TMEM150B: variants seen among roughly 807,000 people sequenced by gnomAD.
TMEM150B encodes the protein transmembrane protein 150B.
In TMEM150B, 33 loss-of-function variants were observed where a neutral mutation model predicts 25.2. The observed-to-expected ratio is 1.31, with a 90% CI of 0.99 to 1.75. The LOEUF (loss-of-function observed/expected upper bound fraction) is 1.75. Among genes scored for constraint, TMEM150B ranks in the 40% most tolerant of loss-of-function variants. TMEM150B has a pLI of 0.00. For synonymous variants in TMEM150B, 133 were observed against 134.8 expected, an observed-to-expected ratio of 0.99 and a Z score of 0.09; for missense variants, 322 against 306.1, an observed-to-expected ratio of 1.05 and a Z score of -0.39.
chr19:55,309,513 C>T (rs1048072666), downstream of TMEM150B, among the ~76,000 whole-genome samples: 4 of 152,230 alleles, frequency 2.6e-5, no homozygotes, highest in Admixed American at 2.6e-4. Context: ...CTGCCAGCAG[C>T]GTTGGTGCCT....
At position 55,321,004 on chromosome 19, in the gene TMEM150B, G is replaced by A; in HGVS notation, c.33C>T (p.Phe11=). The A allele has an allele frequency of 1.2e-6, 2 of 1,613,966 alleles. No individual in the cohort carries two copies. The highest frequency in any genetic ancestry group is 1.1e-5 in the South Asian group (1 of 91,086). MWGYLSLMPV[F]LAVWAISGVW... is the part of the protein sequence containing the mutation. ...CGCCAGAGATAGCCCAGACAGCTAGGAAGACAGGCATCAGCGACAGGTAGC... is the reference window on the plus strand; with the variant it reads ...CGCCAGAGATAGCCCAGACAGCTAGAAAGACAGGCATCAGCGACAGGTAGC... The change falls in exon 3 of 8, where the codon TTC becomes TTT. Residue 11 remains phenylalanine (F), a synonymous_variant. Transcript: ENST00000326652.
In TMEM150B at chr19:55,312,952, G is replaced by A. The variant is rs752548641; in HGVS notation, c.609C>T (p.Phe203=). The part of the protein sequence containing the change: ...FALFGLLAVD[F]SALESCTLCV... ...ACAGGGTGCAGCTCTCCAGGGCGGA[G>A]AAGTCAACGGCTAAGAGACCGAAGA... Residue 203 remains phenylalanine, a synonymous_variant, in exon 8 of 8, where the codon TTC becomes TTT. Transcript: ENST00000326652. 4 of 1,613,458 alleles carry A rather than the reference G, an allele frequency of 2.5e-6. No individual in the cohort carries two copies. The South Asian group carries it at 4.4e-5, about 18-fold the overall frequency.
downstream of TMEM150B, chr19:55,311,783 A>G: frequency 1.0e-6 from 1 of 957,758 alleles, no homozygotes; most frequent in Non-Finnish European, 1.5e-6. Context: ...GGGCCTTATC[A>G]GGGATTGGAG....
chr19:55,316,894 G>C lies in TMEM150B; in HGVS notation c.397C>G (p.Leu133Val), dbSNP rs199806152. Residue 133 changes from leucine (L) to valine (V), a missense_variant, in exon 7 of 8, where the codon CTG becomes GTG. Transcript: ENST00000326652. ...AFILGNVYFWLQLLLWRLKRL... is the reference protein window; with the variant it reads ...AFILGNVYFWVQLLLWRLKRL... Reference sequence around the variant, plus strand: ...TTCAGCCTCCACAGGAGGAGCTGCAGCCAGAAGTAGACGTTACCCAAGATG... The same window carrying C: ...TTCAGCCTCCACAGGAGGAGCTGCACCCAGAAGTAGACGTTACCCAAGATG... The C allele has an allele frequency of 4.4e-6, 7 of 1,606,620 alleles. No individual in the cohort carries two copies. In the East Asian group the frequency reaches 1.6e-4, roughly 36 times the overall value.
Position 55,320,410 on chromosome 19 carries a change from G to T in TMEM150B, c.177C>A (p.Leu59=). 6.4e-7 allele frequency: 1 copy of T among 1,571,780 alleles called. No homozygotes were observed. The highest frequency in any genetic ancestry group is 8.6e-7 in the Non-Finnish European group (1 of 1,157,448). The change falls in exon 5 of 8, where the codon CTC becomes CTA. Residue 59 remains leucine (L), a synonymous_variant. Coordinates refer to ENST00000326652, the MANE Select transcript of TMEM150B (RefSeq NM_001282011.2). ...PPQSCIFSQV[L]NMGAALAAWI... ...ATTTACCCAGAGCAGCTCCCATATT[G>T]AGCACCTGGCTGAAGATGCAGCTCT... is the stretch of plus-strand genomic sequence containing the variant.
At chr19:55,317,212 G>C (rs142712220) in intron 6 of TMEM150B, among the ~76,000 whole-genome samples, 2 of 152,214 alleles carry the variant, frequency 1.3e-5, no homozygotes, top group Non-Finnish European at 2.9e-5. Flanking sequence ...CAGTAAATAT[G>C]AGTGGGATAA....
downstream of TMEM150B, among the ~76,000 whole-genome samples, chr19:55,309,521 C>T (rs1232602063): frequency 6.6e-6 from 1 of 152,234 alleles, no homozygotes; most frequent in Admixed American, 6.5e-5. Context: ...AGCGTTGGTG[C>T]CTGGTGAGAG....
At chr19:55,320,711 C>T in intron 3 of TMEM150B, 94 bp from the exon 4 acceptor site, 4 of 1,497,698 alleles carry the variant, frequency 2.7e-6, no homozygotes, top group Admixed American at 3.5e-5. Flanking sequence ...CCTCCACCCT[C>T]AGACCAGGAG....
chr19:55,323,802 CTTTT>C (rs367630607), intron 1 of TMEM150B, among the ~76,000 whole-genome samples: 1 of 100,884 alleles, frequency 9.9e-6, no homozygotes, highest in Non-Finnish European at 1.9e-5. Context: ...TGCGCCCAAC[CTTTT>C]TTTTTTTTTT....
intron 1 of TMEM150B, among the ~76,000 whole-genome samples, chr19:55,323,192 G>A (rs1328459774): frequency 6.6e-6 from 1 of 152,184 alleles, no homozygotes; most frequent in Non-Finnish European, 1.5e-5. Context: ...AGCAGTTTGG[G>A]AGACCAAGGT....
intron 3 of TMEM150B, 67 bp downstream of exon 3, chr19:55,320,902 C>G (rs2089188369): frequency 1.3e-6 from 2 of 1,564,906 alleles, no homozygotes; most frequent in Non-Finnish European, 1.7e-6. Flanking sequence ...TCCCTCAGAC[C>G]CAGAAATCCA....
intron 7 of TMEM150B, among the ~76,000 whole-genome samples, chr19:55,315,735 T>G (rs1010526996): frequency 3.4e-5 from 5 of 145,666 alleles, no homozygotes; most frequent in African/African-American, 1.3e-4. Context: ...CACTCCAGCC[T>G]AGGTGACAGA....
In TMEM150B at chr19:55,312,878, G is replaced by A. The variant is rs551880072; in HGVS notation, c.683C>T (p.Ser228Phe). 6.3e-7 allele frequency: 1 copy of A among 1,596,546 alleles called. No individual in the cohort carries two copies. Among genetic ancestry groups the A allele is most frequent in the Admixed American group, 1.7e-5 (1 of 57,406 alleles). The part of the protein sequence containing the change: ...SLSPPPASPI[S>F]LPVQL ...TGCCTGCTACAGCTGGACCGGCAGG[G>A]AGATGGGGGAGGCCGGCGGGGGGCT... Residue 228 changes from serine to phenylalanine, a missense_variant, in exon 8 of 8, where the codon TCC becomes TTC. By Grantham distance (155) the Ser-to-Phe change is radical (BLOSUM62 -2). Coordinates refer to ENST00000326652, the MANE Select transcript of TMEM150B (RefSeq NM_001282011.2).
intron 7 of TMEM150B, among the ~76,000 whole-genome samples, chr19:55,315,752 C>T (rs1208533357): frequency 4.1e-5 from 6 of 147,560 alleles, no homozygotes; most frequent in Non-Finnish European, 7.4e-5. Context: ...CAGAGCGAGA[C>T]TCCGTCTCAA....
chr19:55,325,201 C>T, intron 1 of TMEM150B, 71 bp downstream of exon 1: 1 of 898,668 alleles, frequency 1.1e-6, no homozygotes, highest in Non-Finnish European at 1.3e-6. Flanking sequence ...CTTGGACCCT[C>T]CCTGGGAGGA....
rs1266024446 is a variant in TMEM150B at position 55,325,194 on chromosome 19, G to C, written c.-154+78C>G. ...CCCACGGTGCTTATGTGACCTGCTT[G>C]GACCCTCCCTGGGAGGACAGGGGAC... On this transcript the variant is annotated intron_variant, in intron 1 of 7. Coordinates refer to ENST00000326652, the MANE Select transcript of TMEM150B (RefSeq NM_001282011.2). 4.7e-6 allele frequency: 4 copies of C among 847,610 alleles called. No homozygotes were observed. In the African/African-American group the frequency reaches 7.3e-5, roughly 16 times the overall value. 52.5% of individuals were successfully genotyped at this position (847,610 alleles called of 1,614,324 possible).
chr19:55,318,140 C>T (rs1350858161), intron 6 of TMEM150B, among the ~76,000 whole-genome samples: 1 of 152,048 alleles, frequency 6.6e-6, no homozygotes, highest in Non-Finnish European at 1.5e-5. Flanking sequence ...GTAGGCAGAT[C>T]ACTTGAGGTC....
rs1378933823 is a variant in TMEM150B, at chr19:55,324,672, T to C, written c.-154+600A>G. 8.6e-6 allele frequency: 8 copies of C among 931,172 alleles called. No homozygotes were observed. The South Asian group carries it at 2.5e-4, about 29-fold the overall frequency. 57.7% of individuals were successfully genotyped at this position (931,172 alleles called of 1,614,324 possible). On this transcript the variant is annotated intron_variant, in intron 1 of 7. Coordinates refer to ENST00000326652, the MANE Select transcript of TMEM150B (RefSeq NM_001282011.2). ...CCAAAAATAAATAAAATAAAATAAA[T>C]AAATAAAATAAAAAATAAATCCTGT...
chr19:55,310,702 C>T (rs1376762048), downstream of TMEM150B, among the ~76,000 whole-genome samples: 1 of 152,140 alleles, frequency 6.6e-6, no homozygotes, highest in Non-Finnish European at 1.5e-5. This position sits in a 1 kb window ranked among gnomAD's most constrained non-coding sequence, Gnocchi z 5.0. Context: ...CAGCTGGGTC[C>T]CAAATGGCAG....
Sources: allele counts gnomAD v4.1 joint callset (sites outside exome capture counted in the v4.1 genomes callset), GRCh38; gene constraint gnomAD v4.1.1; non-coding constraint Gnocchi (gnomAD v3.1); transcripts MANE v1.5; gene names NCBI Gene and HGNC (gene_info 2026-07-23, HGNC 2026-07-21).